MSI2: variants seen among roughly 807,000 people sequenced by gnomAD.
The protein encoded by MSI2 is musashi RNA binding protein 2, also known as RNA-binding protein Musashi homolog 2.
Under a neutral mutation model 45.6 loss-of-function variants are expected in MSI2, and 17 were observed. The observed-to-expected ratio is 0.37, with a 90% CI of 0.26 to 0.56. MSI2 has a LOEUF of 0.56. Among genes scored for constraint, MSI2 ranks in the 20% least tolerant of loss-of-function variants. The pLI is 0.77. For synonymous variants in MSI2, 156 were observed against 158.2 expected (o/e 0.99, Z 0.11); for missense variants, 293 against 444.2 (o/e 0.66, Z 3.06).
At chr17:57,291,850 C>T (rs1368150050) in intron 5 of MSI2, among the ~76,000 whole-genome samples, 1 of 152,054 alleles carries the variant, frequency 6.6e-6, no homozygotes, top group Non-Finnish European at 1.5e-5. Context: ...CTGTCTACAG[C>T]CATACCACCC....
chr17:57,502,699 C>T (rs934380685), intron 6 of MSI2, among the ~76,000 whole-genome samples: 44 of 144,732 alleles, frequency 3.0e-4, no homozygotes, highest in Admixed American at 3.0e-3. Flanking sequence ...GCATCTAATG[C>T]TGGGTCACTA....
Position 57,633,435 on chromosome 17 carries a change from C to T in MSI2, c.727+6132C>T, listed in dbSNP as rs138933040. Among the ~76,000 whole-genome samples the T allele has an allele frequency of 2.9e-3, 447 of 152,364 alleles. 3 individuals carry two copies. The highest frequency in any genetic ancestry group is 9.4e-3 in the African/African-American group (391 of 41,576). ...AGCTGCACAGTATCGCCCCGATGCT[C>T]CTTCCTCCGCCACGGCTCCCCTCTC... On this transcript the variant is annotated intron_variant, in intron 10 of 13. Coordinates refer to ENST00000284073, the MANE Select transcript of MSI2 (RefSeq NM_138962.4).
chr17:57,586,450 T>A (rs545009142), intron 7 of MSI2, among the ~76,000 whole-genome samples: 1 of 152,070 alleles, frequency 6.6e-6, no homozygotes, highest in South Asian at 2.1e-4. Flanking sequence ...AAAATGCAGC[T>A]CTGTAAACAT....
chr17:57,293,587 G>GTTT lies in MSI2; in HGVS notation c.312+31400_312+31402dup, dbSNP rs769797340. Among the ~76,000 whole-genome samples the GTTT allele has an allele frequency of 1.4e-3, 92 of 65,410 alleles. No individual in the cohort carries two copies. The South Asian group carries it at 0.039, about 28-fold the overall frequency. The allele number at this position is 65,410 out of a possible 152,430, so 42.9% of individuals were successfully genotyped here. On this transcript the variant is annotated intron_variant, in intron 5 of 13. Coordinates refer to ENST00000284073, the MANE Select transcript of MSI2 (RefSeq NM_138962.4). ...CTGAATATGTAATCAGTGCTTTATT[G>GTTT]TTTTTTTGTTTTTTTTTTTGTTTTT...
At chr17:57,450,113 C>T (rs1236820034) in intron 6 of MSI2, 2 of 152,008 alleles carry the variant, frequency 1.3e-5, no homozygotes, top group African/African-American at 4.8e-5. Context: ...TTTATAGGCA[C>T]TAGAATTTGA....
chr17:57,354,139 A>G (rs747585871), intron 5 of MSI2, among the ~76,000 whole-genome samples: 35 of 152,200 alleles, frequency 2.3e-4, no homozygotes, highest in Non-Finnish European at 4.1e-4. Flanking sequence ...TCTATTATCA[A>G]GTCAGTTATA....
At chr17:57,447,177 C>T (rs1418755571) in intron 6 of MSI2, among the ~76,000 whole-genome samples, 1 of 152,230 alleles carries the variant, frequency 6.6e-6, no homozygotes, top group Non-Finnish European at 1.5e-5. Context: ...AGCCTCAACT[C>T]CTGGGCTCAA....
intron 5 of MSI2, among the ~76,000 whole-genome samples, chr17:57,347,240 A>G (rs1005491045): frequency 9.2e-5 from 14 of 152,224 alleles, no homozygotes; most frequent in Non-Finnish European, 1.8e-4. Context: ...ATAAGGATGC[A>G]GTGTGTTTCA....
intron 6 of MSI2, among the ~76,000 whole-genome samples, chr17:57,477,971 C>G (rs1247491704): frequency 6.6e-6 from 1 of 152,218 alleles, no homozygotes; most frequent in Non-Finnish European, 1.5e-5. Flanking sequence ...GCTATTCTCT[C>G]TTCTCCCCAC....
intron 5 of MSI2, among the ~76,000 whole-genome samples, chr17:57,392,248 G>T (rs1303083900): frequency 6.6e-6 from 1 of 152,184 alleles, no homozygotes; most frequent in East Asian, 1.9e-4. Flanking sequence ...ATAGTAATCT[G>T]TGGACAGGTC....
chr17:57,642,871 T>C (rs939673876), intron 10 of MSI2, among the ~76,000 whole-genome samples: 5 of 152,198 alleles, frequency 3.3e-5, no homozygotes, highest in African/African-American at 7.2e-5. Flanking sequence ...CCAGCCCTCT[T>C]TGGGGAGGGA....
intron 6 of MSI2, among the ~76,000 whole-genome samples, chr17:57,458,710 A>G (rs1598293818): frequency 6.6e-6 from 1 of 152,240 alleles, no homozygotes; most frequent in Non-Finnish European, 1.5e-5. Flanking sequence ...ATCAGTTAGC[A>G]TATAAACTCC....
chr17:57,414,694 C>T (rs569267384), intron 6 of MSI2, among the ~76,000 whole-genome samples: 2 of 152,226 alleles, frequency 1.3e-5, no homozygotes, highest in South Asian at 4.1e-4. Context: ...GCCACCCTGC[C>T]CAGCCAGGAT....
intron 6 of MSI2, among the ~76,000 whole-genome samples, chr17:57,416,551 C>T (rs1208241824): frequency 1.3e-5 from 2 of 152,202 alleles, no homozygotes; most frequent in Non-Finnish European, 2.9e-5. Context: ...GGATTTTTCT[C>T]GTACTGTCTG....
intron 5 of MSI2, among the ~76,000 whole-genome samples, chr17:57,342,101 T>A (rs918996963): frequency 6.6e-6 from 1 of 152,272 alleles, no homozygotes; most frequent in South Asian, 2.1e-4. Context: ...TCTACTGCCT[T>A]TGTCTCTCCT....
intron 5 of MSI2, among the ~76,000 whole-genome samples, chr17:57,276,607 A>G (rs1908867454): frequency 6.6e-6 from 1 of 152,242 alleles, no homozygotes; most frequent in African/African-American, 2.4e-5. Context: ...AACTTGAGGG[A>G]GGAACAAGAC....
At chr17:57,331,145 C>A (rs1469450395) in intron 5 of MSI2, among the ~76,000 whole-genome samples, 1 of 152,088 alleles carries the variant, frequency 6.6e-6, no homozygotes, top group East Asian at 1.9e-4. Flanking sequence ...AACTCCTGAC[C>A]TCAGGTGATC....
chr17:57,378,413 G>A (rs900632841), intron 5 of MSI2, among the ~76,000 whole-genome samples: 1 of 152,196 alleles, frequency 6.6e-6, no homozygotes, highest in South Asian at 2.1e-4. Context: ...ACAGGCGAAC[G>A]CCACCACACC....
At chr17:57,494,759 C>CT (rs1013294272) in intron 6 of MSI2, among the ~76,000 whole-genome samples, 6 of 152,108 alleles carry the variant, frequency 3.9e-5, no homozygotes, top group African/African-American at 1.4e-4. Flanking sequence ...CACACCTGGT[C>CT]TATGGCCATG....
Sources: gnomAD v4.1 joint callset for allele counts (sites outside exome capture counted in the v4.1 genomes callset) on GRCh38, gnomAD v4.1.1 for gene constraint, MANE v1.5 for transcripts, NCBI Gene and HGNC (gene_info 2026-07-23, HGNC 2026-07-21) for gene names.